The following SCUBE1 variants were observed in gnomAD, a reference collection of about 807,000 sequenced individuals.
SCUBE1 encodes the protein signal peptide, CUB and EGF-like domain-containing protein 1.
Under a neutral mutation model 124.4 loss-of-function variants are expected in SCUBE1, and 59 were observed. The ratio of observed to expected loss-of-function variants is 0.47; its 90% CI spans 0.38 to 0.59. The LOEUF is 0.59. Among genes scored for constraint, SCUBE1 ranks in the 20% least tolerant of loss-of-function variants. The pLI is 0.00. For synonymous variants in SCUBE1, 545 were observed against 550.9 expected, an observed-to-expected ratio of 0.99 and a Z score of 0.15; for missense variants, 1,150 against 1,371.2, an observed-to-expected ratio of 0.84 and a Z score of 2.55.
rs1923812706 is a variant in SCUBE1, at chr22:43,259,994, C to T, written c.611-1659G>A. On this transcript the variant is annotated intron_variant, in intron 5 of 21. Coordinates refer to ENST00000360835, the MANE Select transcript of SCUBE1 (RefSeq NM_173050.5). The stretch of plus-strand genomic sequence containing the variant: ...ACGGCCAGGAAGGAACCCAGGGAAG[C>T]CAGGGATTCCGGGAGGCTGCAGCTC... Among the ~76,000 whole-genome samples the T allele has an allele frequency of 2.6e-5, 4 of 152,218 alleles. No individual in the cohort carries two copies. The South Asian group carries it at 8.3e-4, about 31-fold the overall frequency.
At chr22:43,334,410 C>T (rs1926997280) in intron 2 of SCUBE1, among the ~76,000 whole-genome samples, 1 of 152,164 alleles carries the variant, frequency 6.6e-6, no homozygotes, top group Admixed American at 6.5e-5. Flanking sequence ...CCTCATTTCC[C>T]AACCATTTTA....
chr22:43,221,145 T>G, intron 13 of SCUBE1, 28 bp downstream of exon 13: 1 of 1,558,702 alleles, frequency 6.4e-7, no homozygotes, highest in Non-Finnish European at 8.8e-7. Flanking sequence ...CCCGTTGGTG[T>G]GGGTTAGGAG....
Position 43,284,767 on chromosome 22 carries a change from G to GTCGTCA in SCUBE1, c.484+6278_484+6279insTGACGA, listed in dbSNP as rs567392651. 3.2e-4 allele frequency among the ~76,000 whole-genome samples: 48 copies of GTCGTCA among 152,098 alleles called. No individual in the cohort carries two copies. In the South Asian group the frequency reaches 6.0e-3, roughly 19 times the overall value. Reference sequence around the variant, plus strand: ...TCTTGCAATCATCATCGTCATCGTCGTCGTCGTCGTCGTCATCATCATCAT... The same window carrying GTCGTCA: ...TCTTGCAATCATCATCGTCATCGTCGTCGTCATCGTCGTCGTCGTCATCATCATCAT... On this transcript the variant is annotated intron_variant, in intron 4 of 21. Coordinates refer to ENST00000360835, the MANE Select transcript of SCUBE1 (RefSeq NM_173050.5).
intron 3 of SCUBE1, among the ~76,000 whole-genome samples, chr22:43,300,165 G>A (rs970873612): frequency 6.6e-6 from 1 of 152,104 alleles, no homozygotes; most frequent in Non-Finnish European, 1.5e-5. Flanking sequence ...CACATCATCT[G>A]GTAACTCCAT....
At chr22:43,207,746 G>A in intron 20 of SCUBE1, 133 bp from the exon 21 acceptor site, 2 of 741,522 alleles carry the variant, frequency 2.7e-6, no homozygotes, top group South Asian at 3.0e-5. Context: ...CCGCAGCTCT[G>A]CCTCTGTGCC....
At chr22:43,272,803 G>A (rs1924342706) in intron 4 of SCUBE1, among the ~76,000 whole-genome samples, 1 of 152,162 alleles carries the variant, frequency 6.6e-6, no homozygotes, top group Non-Finnish European at 1.5e-5. Context: ...TTTCTGGAAA[G>A]CTAGAACTGG....
chr22:43,207,181 C>T (rs1921325741), intron 21 of SCUBE1, among the ~76,000 whole-genome samples: 1 of 152,206 alleles, frequency 6.6e-6, no homozygotes, highest in African/African-American at 2.4e-5. Context: ...GTGACAATGG[C>T]ACTGGGTAGA....
At chr22:43,338,681 A>G (rs1927165283) in intron 2 of SCUBE1, among the ~76,000 whole-genome samples, 1 of 152,066 alleles carries the variant, frequency 6.6e-6, no homozygotes, top group South Asian at 2.1e-4. Context: ...ATGCACCACC[A>G]CGCTCGGCTA....
chr22:43,284,091 G>C (rs576719716), intron 4 of SCUBE1, among the ~76,000 whole-genome samples: 1 of 152,336 alleles, frequency 6.6e-6, no homozygotes, highest in Admixed American at 6.5e-5. Context: ...GGAGACACAC[G>C]GCCGTGGTCT....
chr22:43,212,635 G>C (rs372609736), intron 16 of SCUBE1, 43 bp from the exon 17 acceptor site: 10 of 1,539,260 alleles, frequency 6.5e-6, no homozygotes, highest in Non-Finnish European at 2.6e-6. Flanking sequence ...GGAGGGCACC[G>C]CAGGGCCGAG....
intron 6 of SCUBE1, among the ~76,000 whole-genome samples, chr22:43,246,877 G>A (rs536736345): frequency 1.3e-4 from 20 of 152,202 alleles, no homozygotes; most frequent in Admixed American, 4.6e-4. Flanking sequence ...GTGGGGATGG[G>A]GGCGGGGCAG....
At chr22:43,275,617 C>G (rs1401050048) in intron 4 of SCUBE1, among the ~76,000 whole-genome samples, 2 of 152,196 alleles carry the variant, frequency 1.3e-5, no homozygotes, top group Non-Finnish European at 2.9e-5. Context: ...GCCTAAGAGT[C>G]AGAGACAGCT....
At chr22:43,311,727 C>G (rs1367149871) in intron 3 of SCUBE1, among the ~76,000 whole-genome samples, 1 of 151,958 alleles carries the variant, frequency 6.6e-6, no homozygotes, top group Admixed American at 6.6e-5. Flanking sequence ...GTGCCTGGCC[C>G]TAATATAGCA....
chr22:43,276,728 G>A lies in SCUBE1; in HGVS notation c.485-13883C>T, dbSNP rs529231221. On this transcript the variant is annotated intron_variant, in intron 4 of 21. Transcript: ENST00000360835. Reference sequence around the variant, plus strand: ...CCAGGCTGTGGGCTACGGTGTAGGGGGTGGGCACTGGTCTGGAGCCTAGGG... The same window carrying A: ...CCAGGCTGTGGGCTACGGTGTAGGGAGTGGGCACTGGTCTGGAGCCTAGGG... Among the ~76,000 whole-genome samples the A allele has an allele frequency of 2.6e-5, 4 of 152,310 alleles. No homozygotes were observed. The South Asian group carries it at 8.3e-4, about 32-fold the overall frequency.
Position 43,203,872 on chromosome 22 carries a change from G to T in SCUBE1, c.*125C>A. 1 of 1,043,408 alleles carries T rather than the reference G, an allele frequency of 9.6e-7. No individual in the cohort carries two copies. Among genetic ancestry groups the T allele is most frequent in the Non-Finnish European group, 1.4e-6 (1 of 714,132 alleles). 64.6% of individuals were successfully genotyped at this position (1,043,408 alleles called of 1,614,324 possible). Reference sequence around the variant, plus strand: ...GGGCTCGGTCTCCATGGGCTGGTCGGCTTCCCTGAAGGGCAGTGCCATGGG... The same window carrying T: ...GGGCTCGGTCTCCATGGGCTGGTCGTCTTCCCTGAAGGGCAGTGCCATGGG... On this transcript the variant is annotated 3_prime_UTR_variant, in exon 22 of 22. Transcript: ENST00000360835.
chr22:43,214,058 A>ACCC, intron 16 of SCUBE1, 32 bp downstream of exon 16: 2 of 214,038 alleles, frequency 9.3e-6, no homozygotes, highest in South Asian at 3.9e-5. Context: ...CCCACCCCCC[A>ACCC]CCCCCACCTC....
intron 2 of SCUBE1, among the ~76,000 whole-genome samples, chr22:43,328,071 G>A (rs1246506685): frequency 6.6e-6 from 1 of 152,206 alleles, no homozygotes; most frequent in East Asian, 1.9e-4. Flanking sequence ...CACCTGCCCA[G>A]CTTGGGGTCA....
intron 2 of SCUBE1, among the ~76,000 whole-genome samples, chr22:43,329,274 G>A (rs1312422497): frequency 1.3e-5 from 2 of 152,264 alleles, no homozygotes; most frequent in Non-Finnish European, 2.9e-5. Flanking sequence ...CAGTGGGAAG[G>A]GACAGTTGGC....
chr22:43,229,020 G>A (rs1377385189), intron 9 of SCUBE1, 52 bp downstream of exon 9: 23 of 1,352,364 alleles, frequency 1.7e-5, no homozygotes, highest in Non-Finnish European at 2.1e-5. Context: ...GTGGCCGTGC[G>A]GCCAGGCGCG....
Sources: allele counts gnomAD v4.1 joint callset (sites outside exome capture counted in the v4.1 genomes callset), GRCh38; gene constraint gnomAD v4.1.1; transcripts MANE v1.5; gene names NCBI Gene and HGNC (gene_info 2026-07-23, HGNC 2026-07-21).